INCENP: variants seen among roughly 807,000 people sequenced by gnomAD.
INCENP encodes the protein binds and activates aurora-B and -C in vivo and in vitro.
Under a neutral mutation model 107.3 loss-of-function variants are expected in INCENP, and 43 were observed. The ratio of observed to expected loss-of-function variants is 0.40; its 90% CI spans 0.31 to 0.52. The LOEUF (loss-of-function observed/expected upper bound fraction) is 0.52. Among genes scored for constraint, INCENP ranks in the 20% least tolerant of loss-of-function variants. INCENP has a pLI of 0.53. For missense variants in INCENP, 1,089 were observed against 1,250.9 expected, an observed-to-expected ratio of 0.87 and a Z score of 1.95; for synonymous variants, 488 against 494.4, an observed-to-expected ratio of 0.99 and a Z score of 0.17.
intron 4 of INCENP, 23 bp from the exon 5 acceptor site, chr11:62,137,809 T>G (rs2134642779): frequency 1.9e-6 from 3 of 1,613,122 alleles, no homozygotes; most frequent in Middle Eastern, 1.7e-4. Context: ...TGAGATCTTT[T>G]GTGCCTTTCT....
intron 5 of INCENP, 144 bp downstream of exon 5, chr11:62,138,027 C>G (rs775379395): frequency 4.1e-6 from 3 of 736,004 alleles, no homozygotes; most frequent in Non-Finnish European, 7.2e-6. Flanking sequence ...TTTTCCCTGT[C>G]TGACCAGGCA....
At chr11:62,133,337 G>A (rs533716494) in intron 4 of INCENP, among the ~76,000 whole-genome samples, 3 of 152,176 alleles carry the variant, frequency 2.0e-5, no homozygotes, top group South Asian at 4.1e-4. Context: ...AGCAGTCAGC[G>A]TGGGTGGAGG....
intron 18 of INCENP, among the ~76,000 whole-genome samples, chr11:62,151,186 C>T (rs184658766): frequency 1.1e-4 from 16 of 152,322 alleles, no homozygotes; most frequent in East Asian, 3.9e-4. Flanking sequence ...AGTGAGCTCA[C>T]GGCTGGCCCT....
chr11:62,145,153 A>G lies in INCENP; in HGVS notation c.1716-16A>G. On this transcript the variant is annotated splice_polypyrimidine_tract_variant and intron_variant, in intron 12 of 18. Coordinates refer to ENST00000394818, the MANE Select transcript of INCENP (RefSeq NM_001040694.2). ...AGCCTTGGTGGGGCTCCCCATGACT[A>G]TCCTATGCCCCGCAGGAAGCGTGAG... The G allele has an allele frequency of 4.3e-6, 7 of 1,614,088 alleles. No homozygotes were observed. Among genetic ancestry groups the G allele is most frequent in the Non-Finnish European group, 5.9e-6 (7 of 1,180,020 alleles).
intron 4 of INCENP, among the ~76,000 whole-genome samples, chr11:62,131,369 A>G (rs1395576661): frequency 6.6e-6 from 1 of 152,200 alleles, no homozygotes; most frequent in Non-Finnish European, 1.5e-5. Context: ...TGCCTGGCAT[A>G]TAGGAAGGAC....
Position 62,145,665 on chromosome 11 carries a change from A to G in INCENP, c.1873A>G (p.Lys625Glu), listed in dbSNP as rs1291652174. The stretch of plus-strand genomic sequence containing the variant: ...GCGGCTGGCAGAGGAGAAGGCCAAG[A>G]AAAAGGCGGCGGCCAAGAAGATGGA... ...EERLAEEKAK[K>E]KAAAKKMEEV... The change falls in exon 14 of 19, where the codon AAA becomes GAA. Residue 625 changes from lysine to glutamate, a missense_variant. Physicochemically the swap from Lys to Glu is moderately conservative, Grantham distance 56 (BLOSUM62 1). Transcript: ENST00000394818. 1.9e-6 allele frequency: 3 copies of G among 1,581,412 alleles called. No individual in the cohort carries two copies. Among genetic ancestry groups the G allele is most frequent in the Non-Finnish European group, 2.6e-6 (3 of 1,164,010 alleles).
intron 15 of INCENP, among the ~76,000 whole-genome samples, chr11:62,147,854 G>A (rs574626227): frequency 2.0e-5 from 3 of 152,272 alleles, no homozygotes; most frequent in South Asian, 2.1e-4. Context: ...AGAGCAGGGG[G>A]CTTTGAGGGT....
intron 17 of INCENP, among the ~76,000 whole-genome samples, 187 bp from the exon 18 acceptor site, chr11:62,149,870 C>T (rs1590631002): frequency 6.6e-6 from 1 of 151,080 alleles, no homozygotes; most frequent in African/African-American, 2.4e-5. Context: ...TGCAGTGAGC[C>T]GAGATCACAC....
chr11:62,145,860 C>T, intron 14 of INCENP, 109 bp downstream of exon 14: 1 of 1,321,712 alleles, frequency 7.6e-7, no homozygotes, highest in Non-Finnish European at 1.0e-6. Context: ...CCCAGACCAT[C>T]TTGTTGCTTC....
At chr11:62,126,412 G>T (rs1209280878) in intron 1 of INCENP, among the ~76,000 whole-genome samples, 1 of 152,134 alleles carries the variant, frequency 6.6e-6, no homozygotes, top group African/African-American at 2.4e-5. Context: ...TGGCCAGGCT[G>T]GTCTTGAACT....
intron 15 of INCENP, 22 bp from the exon 16 acceptor site, chr11:62,148,454 C>G: frequency 1.3e-6 from 2 of 1,589,738 alleles, no homozygotes; most frequent in Non-Finnish European, 1.7e-6. Flanking sequence ...CCTGTCCTAA[C>G]AGGCTCTTGC....
intron 7 of INCENP, among the ~76,000 whole-genome samples, chr11:62,139,443 G>T (rs778710857): frequency 4.6e-5 from 7 of 152,304 alleles, no homozygotes; most frequent in Non-Finnish European, 8.8e-5. Context: ...CAGTGGGTTT[G>T]GGAGTGTCCC....
At chr11:62,125,412 A>C (rs1055628648) in intron 1 of INCENP, among the ~76,000 whole-genome samples, 3 of 152,188 alleles carry the variant, frequency 2.0e-5, no homozygotes, top group Non-Finnish European at 2.9e-5. Flanking sequence ...TTCCTTAAAC[A>C]GTTTTCTCTT....
chr11:62,125,886 A>G (rs1218547220), intron 1 of INCENP, among the ~76,000 whole-genome samples: 1 of 152,256 alleles, frequency 6.6e-6, no homozygotes. Context: ...ACAAGCACGC[A>G]AGTGCTCTGC....
intron 15 of INCENP, among the ~76,000 whole-genome samples, chr11:62,148,149 C>G (rs1478868718): frequency 6.6e-6 from 1 of 152,118 alleles, no homozygotes; most frequent in Admixed American, 6.5e-5. Flanking sequence ...TGTGGATTAT[C>G]CCATTTGATT....
chr11:62,125,450 A>G (rs1943728155), intron 1 of INCENP, among the ~76,000 whole-genome samples: 1 of 152,220 alleles, frequency 6.6e-6, no homozygotes, highest in Admixed American at 6.5e-5. Flanking sequence ...GCGCTTTGCC[A>G]GGGCTGTGGT....
At chr11:62,136,527 A>G (rs912588103) in intron 4 of INCENP, among the ~76,000 whole-genome samples, 1 of 152,172 alleles carries the variant, frequency 6.6e-6, no homozygotes, top group Non-Finnish European at 1.5e-5. Flanking sequence ...TAAAAATATA[A>G]AAAATTAGCT....
At chr11:62,144,335 C>CAAAAAAAA (rs3972386) in intron 11 of INCENP, among the ~76,000 whole-genome samples, 1 of 133,868 alleles carries the variant, frequency 7.5e-6, no homozygotes, top group African/African-American at 2.8e-5. Context: ...TGTCTCCACA[C>CAAAAAAAA]AAAAAAAAAA....
intron 3 of INCENP, 110 bp downstream of exon 3, chr11:62,128,993 G>A (rs1943818921): frequency 2.7e-6 from 2 of 753,522 alleles, no homozygotes; most frequent in East Asian, 2.6e-5. Context: ...GCCTGTAGGA[G>A]GGGTGGTGGG....
Sources: gnomAD v4.1 joint callset for allele counts (sites outside exome capture counted in the v4.1 genomes callset) on GRCh38, gnomAD v4.1.1 for gene constraint, MANE v1.5 for transcripts, NCBI Gene and HGNC (gene_info 2026-07-23, HGNC 2026-07-21) for gene names.